RUFY4: variants seen among roughly 807,000 people sequenced by gnomAD.
RUFY4 encodes RUN and FYVE domain containing 4, also known as RUN and FYVE domain-containing protein 4.
A neutral mutation model predicts 69.0 loss-of-function variants in RUFY4; 73 were observed. That is an observed-to-expected ratio of 1.06 (90% CI 0.88 to 1.29). The LOEUF (loss-of-function observed/expected upper bound fraction) is 1.29, where lower values mean the gene tolerates loss of function less well. Among genes scored for constraint, RUFY4 ranks in the 50% most tolerant of loss-of-function variants. The probability of loss-of-function intolerance (pLI) is 0.00; values close to 1 mark genes in which losing one functional copy is unlikely to be tolerated. For missense variants in RUFY4, 770 were observed against 705.6 expected, an observed-to-expected ratio of 1.09 and a Z score of -1.03; for synonymous variants, 287 against 271.8, an observed-to-expected ratio of 1.06 and a Z score of -0.55.
At chr2:218,076,304 A>G (rs1277322710) in intron 7 of RUFY4, 123 bp from the exon 10 acceptor site, 7 of 1,428,900 alleles carry the variant, frequency 4.9e-6, no homozygotes, top group African/African-American at 1.5e-5. Context: ...AGCTCCCAGC[A>G]CTGTCCCCAG....
chr2:218,072,388 G>A, exon 3 of RUFY4: 1 of 1,537,354 alleles, frequency 6.5e-7, no homozygotes, highest in Non-Finnish European at 8.7e-7. Context: ...ACCAGAAAGA[G>A]CAGAAGAGCT....
Sources: gnomAD v4.1 joint callset for allele counts on GRCh38, gnomAD v4.1.1 for gene constraint, MANE v1.5 for transcripts, NCBI Gene and HGNC (gene_info 2026-07-23, HGNC 2026-07-21) for gene names.